PPM1B: variants seen among roughly 807,000 people sequenced by gnomAD.
PPM1B encodes the protein protein phosphatase 1B.
In PPM1B, 22 loss-of-function variants were observed where a neutral mutation model predicts 43.0. That is an observed-to-expected ratio of 0.51 (90% CI 0.37 to 0.73). The LOEUF is 0.73. Among genes scored for constraint, PPM1B ranks in the 30% least tolerant of loss-of-function variants. The pLI, the probability that PPM1B is intolerant of heterozygous loss-of-function variation, is 0.00. For synonymous variants in PPM1B, 217 were observed against 197.9 expected (o/e 1.10, Z -0.81); for missense variants, 632 against 584.2 (o/e 1.08, Z -0.84).
chr2:44,234,479 A>C, downstream of PPM1B: 1 of 871,378 alleles, frequency 1.1e-6, no homozygotes, highest in South Asian at 5.3e-5. Flanking sequence ...AGATCGCGCC[A>C]CTGCACTCCA....
downstream of PPM1B, among the ~76,000 whole-genome samples, chr2:44,238,948 C>G (rs1427974524): frequency 2.0e-5 from 3 of 151,610 alleles, no homozygotes; most frequent in Non-Finnish European, 4.4e-5. Context: ...AATTATTTCA[C>G]TAAAAATCCT....
At chr2:44,183,133 A>G (rs1432167356) in intron 1 of PPM1B, among the ~76,000 whole-genome samples, 1 of 152,206 alleles carries the variant, frequency 6.6e-6, no homozygotes, top group Non-Finnish European at 1.5e-5. Context: ...CTTTTGCACA[A>G]ATGCTAATAC....
chr2:44,206,946 G>A (rs1482182542), intron 2 of PPM1B, among the ~76,000 whole-genome samples: 1 of 152,062 alleles, frequency 6.6e-6, no homozygotes, highest in South Asian at 2.1e-4. Flanking sequence ...ATTTATACAA[G>A]TATATTCATA....
At chr2:44,233,127 A>T, downstream of PPM1B, 4 of 979,090 alleles carry the variant, frequency 4.1e-6, no homozygotes, top group Non-Finnish European at 4.9e-6. Flanking sequence ...TTATAATGTA[A>T]ATTGTGATTT....
intron 1 of PPM1B, among the ~76,000 whole-genome samples, chr2:44,194,531 A>G (rs2104091397): frequency 6.6e-6 from 1 of 152,054 alleles, no homozygotes; most frequent in African/African-American, 2.4e-5. Context: ...AGACCTTCCT[A>G]GCTAACACGG....
At chr2:44,207,575 A>T (rs1443080351) in intron 2 of PPM1B, among the ~76,000 whole-genome samples, 1 of 151,710 alleles carries the variant, frequency 6.6e-6, no homozygotes. Context: ...AGTATATATG[A>T]TATGCTTTTT....
chr2:44,175,008 A>G (rs1326226490), intron 1 of PPM1B, among the ~76,000 whole-genome samples: 1 of 152,156 alleles, frequency 6.6e-6, no homozygotes, highest in Non-Finnish European at 1.5e-5. Context: ...TAATCCTAGC[A>G]CTTTGGGAGG....
At chr2:44,181,247 C>T (rs1166874100) in intron 1 of PPM1B, among the ~76,000 whole-genome samples, 1 of 152,110 alleles carries the variant, frequency 6.6e-6, no homozygotes, top group Admixed American at 6.5e-5. Flanking sequence ...CCATACCCAG[C>T]CTAGGAAATA....
In PPM1B at chr2:44,201,236, C is replaced by T; in HGVS notation, c.37C>T (p.His13Tyr). 1.9e-6 allele frequency: 3 copies of T among 1,606,150 alleles called. No individual in the cohort carries two copies. Among genetic ancestry groups the T allele is most frequent in the Non-Finnish European group, 2.6e-6 (3 of 1,175,792 alleles). Reference protein sequence around the residue: ...AFLDKPKTEKHNAHGAGNGLR... With the variant: ...AFLDKPKTEKYNAHGAGNGLR... ...TTTGGATAAACCCAAAACTGAAAAA[C>T]ATAATGCTCATGGTGCTGGGAATGG... Residue 13 changes from histidine to tyrosine, a missense_variant, in exon 2 of 6, where the codon CAT becomes TAT. His to Tyr is a moderately conservative substitution (Grantham distance 83, BLOSUM62 2). Around this residue, in one of 3 missense-constraint regions of PPM1B, gnomAD observed 200 missense variants for 200.7 expected, o/e 1.00. Coordinates refer to ENST00000282412, the MANE Select transcript of PPM1B (RefSeq NM_002706.6). The surrounding 1 kb of genome is among the most constrained non-coding windows in gnomAD (Gnocchi z 5.4).
intron 5 of PPM1B, among the ~76,000 whole-genome samples, chr2:44,222,719 A>G (rs562703291): frequency 2.4e-4 from 36 of 152,250 alleles, no homozygotes; most frequent in African/African-American, 8.2e-4. Flanking sequence ...ACATTATTCC[A>G]TGTGGCCTCT....
At chr2:44,226,617 C>T (rs766929967) in intron 5 of PPM1B, among the ~76,000 whole-genome samples, 2 of 151,924 alleles carry the variant, frequency 1.3e-5, no homozygotes, top group Non-Finnish European at 2.9e-5. Flanking sequence ...ATTTTAAAAG[C>T]TCCACAGGTA....
At chr2:44,227,088 C>T (rs1670252653) in intron 5 of PPM1B, among the ~76,000 whole-genome samples, 1 of 151,986 alleles carries the variant, frequency 6.6e-6, no homozygotes, top group African/African-American at 2.4e-5. Context: ...ATCCTCCCAC[C>T]TTAGCTTCCC....
intron 5 of PPM1B, among the ~76,000 whole-genome samples, chr2:44,226,954 TTATTTATTTATTTATTTATG>T (rs1196207896): frequency 2.1e-5 from 3 of 140,792 alleles, no homozygotes; most frequent in African/African-American, 7.5e-5. Flanking sequence ...ATTTATTTAT[TTATTTATTTATTTATTTATG>T]AATGAATGAA....
intron 5 of PPM1B, among the ~76,000 whole-genome samples, chr2:44,227,984 C>T (rs1300280175): frequency 7.7e-6 from 1 of 130,520 alleles, no homozygotes; most frequent in African/African-American, 2.9e-5. Context: ...TGCAGTGGTG[C>T]GATCTCGGGT....
intron 2 of PPM1B, among the ~76,000 whole-genome samples, chr2:44,205,327 A>G (rs1189728517): frequency 2.1e-5 from 2 of 95,836 alleles, no homozygotes; most frequent in African/African-American, 1.1e-4. Context: ...GATAAAATAA[A>G]GAAGAGTGGG....
intron 1 of PPM1B, among the ~76,000 whole-genome samples, chr2:44,181,314 C>T (rs1667864048): frequency 6.6e-6 from 1 of 152,106 alleles, no homozygotes; most frequent in South Asian, 2.1e-4. Context: ...AAAAAACTGA[C>T]TGTGAGGTGG....
At chr2:44,246,867 G>C (rs569843124), downstream of PPM1B, among the ~76,000 whole-genome samples, 1 of 151,858 alleles carries the variant, frequency 6.6e-6, no homozygotes, top group East Asian at 1.9e-4. Context: ...ATTATTTTTA[G>C]GTACCTCTGC....
chr2:44,176,223 A>G (rs543187752), intron 1 of PPM1B, among the ~76,000 whole-genome samples: 1 of 152,348 alleles, frequency 6.6e-6, no homozygotes, highest in African/African-American at 2.4e-5. Context: ...GGAGGATGGG[A>G]GTAAAGGTGG....
At chr2:44,192,151 TTAA>T (rs1281989176) in intron 1 of PPM1B, among the ~76,000 whole-genome samples, 1 of 151,476 alleles carries the variant, frequency 6.6e-6, no homozygotes, top group African/African-American at 2.4e-5. Context: ...TTCTGTCATT[TTAA>T]TTATTTTTAT....
Sources: gnomAD v4.1 joint callset for allele counts (sites outside exome capture counted in the v4.1 genomes callset) on GRCh38, gnomAD v4.1.1 for gene constraint, gnomAD v4.1.1 regional missense constraint, Gnocchi (gnomAD v3.1) non-coding constraint, MANE v1.5 for transcripts, NCBI Gene and HGNC (gene_info 2026-07-23, HGNC 2026-07-21) for gene names.